RADX: variants seen among roughly 807,000 people sequenced by gnomAD.
The protein encoded by RADX is RPA1 related single stranded DNA binding protein, X-linked.
RADX carries 36 observed loss-of-function variants against 61.6 expected under a neutral mutation model. The observed-to-expected ratio is 0.58, with a 90% confidence interval of 0.45 to 0.77. The LOEUF (loss-of-function observed/expected upper bound fraction) is 0.77. RADX is among the 30% of genes least tolerant of loss of function. RADX has a pLI of 0.00. For missense variants in RADX, 497 were observed against 651.1 expected (o/e 0.76, Z 2.58); for synonymous variants, 272 against 237.9 (o/e 1.14, Z -1.32).
intron 11 of RADX, among the ~76,000 whole-genome samples, chrX:106,650,988 T>A (rs993087718): frequency 1.2e-4 from 13 of 111,221 alleles, no homozygotes; most frequent in African/African-American, 2.9e-4. Context: ...TTATATCTAA[T>A]AAAGGTTCAG....
intron 1 of RADX, among the ~76,000 whole-genome samples, chrX:106,616,469 G>T (rs1926805721): frequency 9.0e-6 from 1 of 110,872 alleles, no homozygotes; most frequent in African/African-American, 3.3e-5. Flanking sequence ...TATTTTTCTT[G>T]TACTACTTTC....
chrX:106,650,400 G>A, intron 11 of RADX, among the ~76,000 whole-genome samples: 1 of 110,189 alleles, frequency 9.1e-6, no homozygotes, highest in Non-Finnish European at 1.9e-5. Flanking sequence ...GGGTGCTTGG[G>A]ATTCCCTTGG....
chrX:106,617,322 G>A (rs192569461), intron 1 of RADX, among the ~76,000 whole-genome samples: 241 of 110,555 alleles, frequency 2.2e-3, no homozygotes, highest in African/African-American at 7.8e-3. Flanking sequence ...CACTGTGCCC[G>A]GCTCTTTTTT....
chrX:106,663,873 C>G (rs1203537395), intron 12 of RADX, among the ~76,000 whole-genome samples: 1 of 111,701 alleles, frequency 9.0e-6, no homozygotes, highest in East Asian at 2.8e-4. Flanking sequence ...AACAGCTTGA[C>G]TAAGACTTCT....
intron 8 of RADX, chrX:106,638,324 G>C (rs1254196788): frequency 8.7e-6 from 1 of 115,066 alleles, no homozygotes; most frequent in East Asian, 2.8e-4. Flanking sequence ...GTGCAGTGGC[G>C]GGATCTCGGC....
At position 106,636,572 on chromosome X, in the gene RADX, G is replaced by A; in HGVS notation, c.1333G>A (p.Val445Ile). The A allele has an allele frequency of 8.3e-7, 1 of 1,201,653 alleles. No individual in the cohort carries two copies. Among genetic ancestry groups the A allele is most frequent in the African/African-American group, 1.7e-5 (1 of 57,689 alleles). ...ATATTTTGTGTGTACACAGTTGAAA[G>A]TTGTCAGAAATGACAATCAAGTACC... ...MAYFVCTQLKVVRNDNQVPKL... is the reference protein window; with the variant it reads ...MAYFVCTQLKIVRNDNQVPKL... The change falls in exon 7 of 14, where the codon GTT becomes ATT. Residue 445 changes from valine (V) to isoleucine (I), a missense_variant. Physicochemically the swap from Val to Ile is conservative, Grantham distance 29. This residue lies in a region of RADX where 196 missense variants were observed against 315.0 expected (regional missense o/e 0.62). Coordinates refer to ENST00000372548, the MANE Select transcript of RADX (RefSeq NM_018015.6).
At chrX:106,677,596 T>C (rs1928542662) in intron 13 of RADX, among the ~76,000 whole-genome samples, 1 of 109,984 alleles carries the variant, frequency 9.1e-6, no homozygotes, top group Admixed American at 9.8e-5. Flanking sequence ...AAGTTTTAAT[T>C]AATAAAGCCA....
intron 10 of RADX, among the ~76,000 whole-genome samples, chrX:106,642,662 A>G (rs1349082514): frequency 1.8e-5 from 2 of 111,895 alleles, no homozygotes; most frequent in Non-Finnish European, 3.8e-5. Flanking sequence ...GTTGATGGAC[A>G]TGTAGGTTGC....
chrX:106,654,028 T>C (rs1927866157), intron 11 of RADX, among the ~76,000 whole-genome samples: 1 of 111,859 alleles, frequency 8.9e-6, no homozygotes, highest in Non-Finnish European at 1.9e-5. Flanking sequence ...GTAGAATAAT[T>C]TATAATCCTT....
intron 1 of RADX, among the ~76,000 whole-genome samples, chrX:106,615,673 C>T (rs1204718037): frequency 9.1e-6 from 1 of 110,044 alleles, no homozygotes; most frequent in Non-Finnish European, 1.9e-5. Flanking sequence ...GTTTTTCTTT[C>T]CTCTCTTACA....
intron 6 of RADX, among the ~76,000 whole-genome samples, chrX:106,635,308 G>A (rs1927333883): frequency 9.0e-6 from 1 of 111,562 alleles, no homozygotes; most frequent in African/African-American, 3.3e-5. Context: ...GAGGGGTTAA[G>A]TAATTTCCTG....
At chrX:106,624,660 C>T (rs1927037035) in intron 2 of RADX, among the ~76,000 whole-genome samples, 1 of 111,357 alleles carries the variant, frequency 9.0e-6, no homozygotes, top group Non-Finnish European at 1.9e-5. Context: ...TTCATCTCTG[C>T]ATTCCAGGGC....
intron 6 of RADX, among the ~76,000 whole-genome samples, chrX:106,633,517 C>T (rs1325161976): frequency 4.5e-5 from 5 of 111,210 alleles, no homozygotes; most frequent in South Asian, 3.8e-4. Context: ...AAAAATTCCA[C>T]GCATTAAAAA....
intron 11 of RADX, among the ~76,000 whole-genome samples, chrX:106,654,295 T>G (rs1927876600): frequency 9.0e-6 from 1 of 110,546 alleles, no homozygotes; most frequent in African/African-American, 3.3e-5. Flanking sequence ...GTGATGATGA[T>G]TTTTTTTTCA....
At chrX:106,612,756 A>C in intron 1 of RADX, 33 bp downstream of exon 1, 1 of 1,120,731 alleles carries the variant, frequency 8.9e-7, no homozygotes, top group East Asian at 3.0e-5. Flanking sequence ...AGAGGGTTTT[A>C]AAAAAAATAG....
intron 3 of RADX, among the ~76,000 whole-genome samples, chrX:106,629,696 C>T (rs1401855432): frequency 9.0e-6 from 1 of 110,825 alleles, no homozygotes; most frequent in African/African-American, 3.3e-5. Context: ...CCAATATAAC[C>T]GTGATAATCA....
chrX:106,673,000 C>T (rs1282040624), intron 13 of RADX, among the ~76,000 whole-genome samples: 1 of 111,298 alleles, frequency 9.0e-6, no homozygotes, highest in Admixed American at 9.5e-5. Context: ...TGAATGCTGC[C>T]TGGCCTGGCA....
At position 106,648,523 on chromosome X, in the gene RADX, A is replaced by G. The variant is rs1330441837; in HGVS notation, c.1978+137A>G. 13 of 443,749 alleles carry G rather than the reference A, an allele frequency of 2.9e-5. 1 individual carries two copies. Among genetic ancestry groups the G allele is most frequent in the Admixed American group, 3.7e-5 (1 of 26,760 alleles). 36.6% of individuals were successfully genotyped at this position (443,749 alleles called of 1,213,427 possible). On this transcript the variant is annotated intron_variant, in intron 11 of 13. Coordinates refer to ENST00000372548, the MANE Select transcript of RADX (RefSeq NM_018015.6). ...GCATATAGTAATATTAGCTTAGGTCACTGTCAAAAGTGTACTGATCAATTT... is the reference window on the plus strand; with the variant it reads ...GCATATAGTAATATTAGCTTAGGTCGCTGTCAAAAGTGTACTGATCAATTT...
intron 8 of RADX, chrX:106,638,558 G>C (rs987402803): frequency 8.9e-6 from 1 of 112,306 alleles, no homozygotes; most frequent in Non-Finnish European, 1.9e-5. Flanking sequence ...CACCGCGCCC[G>C]GCCTAACCTG....
Sources: allele counts gnomAD v4.1 joint callset (sites outside exome capture counted in the v4.1 genomes callset), GRCh38; gene constraint gnomAD v4.1.1; regional missense constraint gnomAD v4.1.1; transcripts MANE v1.5; gene names NCBI Gene and HGNC (gene_info 2026-07-23, HGNC 2026-07-21).